Variants in ASB4 observed in about 807,000 individuals in gnomAD.
ASB4 encodes the protein ankyrin repeat and SOCS box containing 4.
ASB4 carries 35 observed loss-of-function variants against 38.6 expected under a neutral mutation model. The ratio of observed to expected loss-of-function variants is 0.91; its 90% CI spans 0.69 to 1.20. The LOEUF is 1.20. Ranked by LOEUF, ASB4 falls within the 50% of genes most tolerant of loss-of-function variation. The pLI, the probability that ASB4 is intolerant of heterozygous loss-of-function variation, is 0.00. For missense variants in ASB4, 557 were observed against 527.2 expected (o/e 1.06, Z -0.55); for synonymous variants, 195 against 201.3 (o/e 0.97, Z 0.26).
chr7:95,475,286 G>C (rs1585788280), upstream of ASB4, among the ~76,000 whole-genome samples: 1 of 152,064 alleles, frequency 6.6e-6, no homozygotes, highest in Non-Finnish European at 1.5e-5. Context: ...TCCTTACATA[G>C]TCCCTCCCCA....
chr7:95,544,021 T>C (rs997123150), downstream of ASB4: 6 of 152,142 alleles, frequency 3.9e-5, no homozygotes, highest in African/African-American at 1.4e-4. Context: ...AATACAATTC[T>C]GATCCTTTAG....
At chr7:95,476,986 A>C (rs992384768), upstream of ASB4, among the ~76,000 whole-genome samples, 2 of 152,242 alleles carry the variant, frequency 1.3e-5, no homozygotes, top group Admixed American at 1.3e-4. Flanking sequence ...TTCTCAGTAG[A>C]GAAATTCATT....
At chr7:95,541,877 A>G (rs997781156), downstream of ASB4, among the ~76,000 whole-genome samples, 1 of 152,086 alleles carries the variant, frequency 6.6e-6, no homozygotes, top group African/African-American at 2.4e-5. Context: ...GGGTAGAATA[A>G]TTTCATTCAT....
intron 3 of ASB4, among the ~76,000 whole-genome samples, chr7:95,533,250 C>T (rs1280967412): frequency 2.0e-5 from 3 of 152,178 alleles, no homozygotes; most frequent in African/African-American, 7.2e-5. Flanking sequence ...GGCCCCCTAA[C>T]TAAACATATG....
chr7:95,551,068 A>G, the ASB4 span, among the ~76,000 whole-genome samples: 1 of 152,134 alleles, frequency 6.6e-6, no homozygotes, highest in Non-Finnish European at 1.5e-5. Context: ...GCAACCTCCA[A>G]CTACCAGGTT....
intron 3 of ASB4, among the ~76,000 whole-genome samples, chr7:95,536,136 T>A (rs1790886673): frequency 6.6e-6 from 1 of 152,234 alleles, no homozygotes; most frequent in African/African-American, 2.4e-5. Context: ...TTTGCCATGG[T>A]GGCAGTGTAC....
intron 2 of ASB4, among the ~76,000 whole-genome samples, chr7:95,502,389 TGC>T (rs35170465): frequency 0.5 from 41,203 of 83,230 alleles, 5,900 homozygotes; most frequent in East Asian, 0.56. Flanking sequence ...GGTACCAGCC[TGC>T]GGGGGGGGGG....
the ASB4 span, among the ~76,000 whole-genome samples, chr7:95,547,884 G>A: frequency 5.3e-5 from 8 of 152,316 alleles, 1 homozygote; most frequent in Admixed American, 3.3e-4. Context: ...CAGCCTGCTG[G>A]CTTCCCCTGC....
chr7:95,528,312 C>G lies in ASB4; in HGVS notation c.978+9C>G. On this transcript the variant is annotated intron_variant, in intron 3 of 4. Coordinates refer to ENST00000325885, the MANE Select transcript of ASB4 (RefSeq NM_016116.3). ...CTCCACAGTTCCATAAGGTGAGGCT[C>G]TGCCCAGTGGTCAGCAGGTTGAGGA... The G allele has an allele frequency of 6.2e-7, 1 of 1,614,082 alleles. No individual in the cohort carries two copies. Among genetic ancestry groups the G allele is most frequent in the South Asian group, 1.1e-5 (1 of 91,082 alleles).
the ASB4 span, among the ~76,000 whole-genome samples, chr7:95,472,961 A>G: frequency 6.6e-6 from 1 of 152,242 alleles, no homozygotes; most frequent in East Asian, 1.9e-4. Flanking sequence ...TAAATCCTCT[A>G]TTTCCTCTCT....
intron 2 of ASB4, among the ~76,000 whole-genome samples, chr7:95,513,284 G>T: frequency 1.6e-5 from 1 of 63,028 alleles, no homozygotes; most frequent in Non-Finnish European, 3.0e-5. Flanking sequence ...TAGAAATCGA[G>T]CCAATAGAAT....
intron 2 of ASB4, among the ~76,000 whole-genome samples, chr7:95,525,903 C>T (rs1429983891): frequency 6.6e-6 from 1 of 152,078 alleles, no homozygotes; most frequent in Non-Finnish European, 1.5e-5. Context: ...GGGTACCTTC[C>T]TTGGGGACTG....
At chr7:95,498,134 G>C (rs1165270112) in intron 2 of ASB4, among the ~76,000 whole-genome samples, 1 of 152,150 alleles carries the variant, frequency 6.6e-6, no homozygotes, top group South Asian at 2.1e-4. Context: ...TATCAGCAAT[G>C]TATGAGAATT....
intron 2 of ASB4, among the ~76,000 whole-genome samples, chr7:95,523,393 T>G (rs1281842417): frequency 6.6e-6 from 1 of 152,196 alleles, no homozygotes; most frequent in Non-Finnish European, 1.5e-5. Context: ...CGATTTCACC[T>G]AATAAAGAGA....
intron 2 of ASB4, among the ~76,000 whole-genome samples, chr7:95,519,997 T>TA (rs1315883471): frequency 6.6e-6 from 1 of 152,196 alleles, no homozygotes; most frequent in African/African-American, 2.4e-5. Flanking sequence ...AATCTTCATC[T>TA]AAAAAACATG....
chr7:95,515,304 TCTTTCTTTCTTTCTTCCTTC>T (rs1388157079), intron 2 of ASB4, among the ~76,000 whole-genome samples: 56 of 125,732 alleles, frequency 4.5e-4, no homozygotes, highest in African/African-American at 1.6e-3. Context: ...TTTCTTTCTT[TCTTTCTTTCTTTCTTCCTTC>T]CTTCCTTCCT....
chr7:95,505,696 C>G lies in ASB4; in HGVS notation c.487+9639C>G, dbSNP rs112794740. On this transcript the variant is annotated intron_variant, in intron 2 of 4. Transcript: ENST00000325885. ...TTTCCTCTATCCGTGTCCCCCCCCC[C>G]CCAAATACTTATTCATTCCCTGTCC... Among the ~76,000 whole-genome samples the G allele has an allele frequency of 1.9e-3, 276 of 144,196 alleles. 2 individuals carry two copies. Among genetic ancestry groups the G allele is most frequent in the African/African-American group, 6.6e-3 (262 of 39,838 alleles). 94.6% of individuals were successfully genotyped at this position (144,196 alleles called of 152,430 possible). A position where few individuals can be genotyped will look rare whatever the true frequency, so the allele number is the denominator to read the frequency against.
intron 1 of ASB4, among the ~76,000 whole-genome samples, chr7:95,492,248 C>T (rs10240833): frequency 0.013 from 2,035 of 152,204 alleles, 49 homozygotes; most frequent in African/African-American, 0.047. Flanking sequence ...ATGACTGACT[C>T]ACATAATACA....
At chr7:95,516,907 G>C (rs150738349) in intron 2 of ASB4, among the ~76,000 whole-genome samples, 140 of 152,260 alleles carry the variant, frequency 9.2e-4, no homozygotes, top group African/African-American at 3.3e-3. Flanking sequence ...GTCATCAAAT[G>C]GTGTTCACTT....
Sources: allele counts gnomAD v4.1 joint callset (sites outside exome capture counted in the v4.1 genomes callset), GRCh38; gene constraint gnomAD v4.1.1; transcripts MANE v1.5; gene names NCBI Gene and HGNC (gene_info 2026-07-23, HGNC 2026-07-21).